STEAP1B: variants seen among roughly 807,000 people sequenced by gnomAD.
The protein encoded by STEAP1B is STEAP family protein MGC87042.
In STEAP1B, 13 loss-of-function variants were observed where a neutral mutation model predicts 27.9. The observed-to-expected ratio is 0.47, with a 90% confidence interval of 0.30 to 0.74. The LOEUF (loss-of-function observed/expected upper bound fraction) is 0.74, where lower values mean the gene tolerates loss of function less well. Ranked by LOEUF, STEAP1B falls within the 30% of genes least tolerant of loss-of-function variation. STEAP1B has a pLI of 0.06. For missense variants in STEAP1B, 250 were observed against 298.7 expected, an observed-to-expected ratio of 0.84 and a Z score of 1.20; for synonymous variants, 86 against 107.1, an observed-to-expected ratio of 0.80 and a Z score of 1.22.
chr7:22,467,420 C>T (rs1785804053), intron 4 of STEAP1B, among the ~76,000 whole-genome samples: 1 of 152,196 alleles, frequency 6.6e-6, no homozygotes, highest in Non-Finnish European at 1.5e-5. Context: ...GTGAGCTGTG[C>T]ACGTGTGTGT....
intron 4 of STEAP1B, among the ~76,000 whole-genome samples, chr7:22,468,157 T>C (rs1785818483): frequency 6.6e-6 from 1 of 152,194 alleles, no homozygotes; most frequent in African/African-American, 2.4e-5. Flanking sequence ...ATAGTATAAG[T>C]ATGTTCAAAA....
chr7:22,438,871 G>A, intron 4 of STEAP1B: 2 of 1,217,816 alleles, frequency 1.6e-6, no homozygotes, highest in Non-Finnish European at 2.1e-6. Flanking sequence ...TTATAAAATG[G>A]GATAAAATCT....
intron 4 of STEAP1B, among the ~76,000 whole-genome samples, chr7:22,479,700 T>TTTTC (rs1164319095): frequency 3.4e-5 from 5 of 148,216 alleles, no homozygotes; most frequent in Admixed American, 1.3e-4. Flanking sequence ...TTTTTTTTTT[T>TTTTC]CTGAGATAGA....
chr7:22,419,638 A>T lies in STEAP1B; in HGVS notation c.*166T>A. On this transcript the variant is annotated 3_prime_UTR_variant, in exon 5 of 5. Coordinates refer to ENST00000678116, the MANE Select transcript of STEAP1B (RefSeq NM_001382447.1). Reference sequence around the variant, plus strand: ...CTCTCATGAGTCCGCTGGGGGATCCACTCATCTGCCCTGCCGGATCCATGT... The same window carrying T: ...CTCTCATGAGTCCGCTGGGGGATCCTCTCATCTGCCCTGCCGGATCCATGT... 1 of 627,544 alleles carries T rather than the reference A, an allele frequency of 1.6e-6. No homozygotes were observed. Among genetic ancestry groups the T allele is most frequent in the Non-Finnish European group, 2.6e-6 (1 of 391,672 alleles). 38.9% of individuals were successfully genotyped at this position (627,544 alleles called of 1,614,324 possible). A position where few individuals can be genotyped will look rare whatever the true frequency, so the allele number is the denominator to read the frequency against.
At chr7:22,460,207 G>A (rs905915102) in intron 4 of STEAP1B, among the ~76,000 whole-genome samples, 12 of 151,814 alleles carry the variant, frequency 7.9e-5, no homozygotes, top group African/African-American at 2.4e-4. Flanking sequence ...TCCTAGCTAT[G>A]GGGTAGGGTT....
At chr7:22,424,349 G>A (rs1419498233) in intron 4 of STEAP1B, among the ~76,000 whole-genome samples, 1 of 151,952 alleles carries the variant, frequency 6.6e-6, no homozygotes, top group East Asian at 1.9e-4. Flanking sequence ...AAATAACAAA[G>A]GGCATGAACA....
At chr7:22,454,847 A>G (rs28368827) in intron 4 of STEAP1B, among the ~76,000 whole-genome samples, 1,007 of 81,340 alleles carry the variant, frequency 0.012, 5 homozygotes, top group East Asian at 0.065. Context: ...ATATATATAT[A>G]TGTATATATA....
At chr7:22,445,166 T>C (rs1353333792) in intron 4 of STEAP1B, among the ~76,000 whole-genome samples, 1 of 152,242 alleles carries the variant, frequency 6.6e-6, no homozygotes, top group Non-Finnish European at 1.5e-5. Context: ...TCTAGACTTT[T>C]CTGCATTATG....
chr7:22,495,429 G>A (rs1318441171), intron 1 of STEAP1B: 1 of 152,198 alleles, frequency 6.6e-6, no homozygotes, highest in African/African-American at 2.4e-5. Flanking sequence ...TGTTTCCAGT[G>A]GGAATGGTGA....
chr7:22,479,123 C>G (rs1413470057), intron 4 of STEAP1B, among the ~76,000 whole-genome samples: 3 of 152,166 alleles, frequency 2.0e-5, no homozygotes, highest in Admixed American at 1.3e-4. Flanking sequence ...TCTTCACACC[C>G]AAGGAGAAAT....
At chr7:22,458,769 G>A (rs944742056) in intron 4 of STEAP1B, among the ~76,000 whole-genome samples, 3 of 152,192 alleles carry the variant, frequency 2.0e-5, no homozygotes, top group Admixed American at 2.0e-4. Context: ...CAGAAAGACA[G>A]CCAAGGACTA....
chr7:22,425,251 T>C (rs1044356448), intron 4 of STEAP1B, among the ~76,000 whole-genome samples: 3 of 152,326 alleles, frequency 2.0e-5, no homozygotes, highest in Middle Eastern at 6.8e-3. Flanking sequence ...CTGTACTCTG[T>C]ACTGTTCATA....
At chr7:22,475,978 C>T (rs976362356) in intron 4 of STEAP1B, among the ~76,000 whole-genome samples, 1 of 152,210 alleles carries the variant, frequency 6.6e-6, no homozygotes, top group South Asian at 2.1e-4. Context: ...GGTAAAACCT[C>T]CTGTCTCATT....
chr7:22,471,269 T>C (rs1182649756), intron 4 of STEAP1B, among the ~76,000 whole-genome samples: 1 of 152,158 alleles, frequency 6.6e-6, no homozygotes, highest in African/African-American at 2.4e-5. Context: ...ACTTCTAGAA[T>C]TCTGAGGAAA....
intron 4 of STEAP1B, among the ~76,000 whole-genome samples, chr7:22,458,898 A>G (rs138689175): frequency 0.018 from 2,649 of 151,302 alleles, 95 homozygotes; most frequent in African/African-American, 0.062. Flanking sequence ...TTTTTGAGAC[A>G]TCCTAGTTTA....
chr7:22,469,326 C>T (rs1253063454), intron 4 of STEAP1B, among the ~76,000 whole-genome samples: 1 of 152,060 alleles, frequency 6.6e-6, no homozygotes, highest in South Asian at 2.1e-4. Flanking sequence ...AGTGTTACTA[C>T]AAAAGAGTCA....
intron 1 of STEAP1B, among the ~76,000 whole-genome samples, chr7:22,495,842 G>A (rs905479378): frequency 6.6e-6 from 1 of 152,230 alleles, no homozygotes; most frequent in African/African-American, 2.4e-5. Flanking sequence ...ACGACTGACT[G>A]CATATGTAAC....
At chr7:22,438,476 C>T (rs1309961229) in intron 4 of STEAP1B, 55 of 1,545,334 alleles carry the variant, frequency 3.6e-5, no homozygotes, top group Non-Finnish European at 4.7e-5. Flanking sequence ...AAGGTTCTCA[C>T]TTTCATGCAT....
chr7:22,460,846 A>T (rs1288065559), intron 4 of STEAP1B, among the ~76,000 whole-genome samples: 10 of 152,214 alleles, frequency 6.6e-5, no homozygotes, highest in African/African-American at 4.8e-5. Flanking sequence ...TCAGCTCATT[A>T]TATACATATA....
Sources: allele counts gnomAD v4.1 joint callset (sites outside exome capture counted in the v4.1 genomes callset), GRCh38; gene constraint gnomAD v4.1.1; transcripts MANE v1.5; gene names NCBI Gene and HGNC (gene_info 2026-07-23, HGNC 2026-07-21).